Variants in CAMK2G observed in about 807,000 individuals in gnomAD.
CAMK2G encodes calcium/calmodulin-dependent protein kinase type II subunit gamma.
In CAMK2G, 23 loss-of-function variants were observed where a neutral mutation model predicts 88.7. That is an observed-to-expected ratio of 0.26 (90% CI 0.19 to 0.37). CAMK2G has a LOEUF of 0.37. Among genes scored for constraint, CAMK2G ranks in the 10% least tolerant of loss-of-function variants. The pLI is 1.00. For missense variants in CAMK2G, 476 were observed against 780.8 expected, an observed-to-expected ratio of 0.61 and a Z score of 4.65; for synonymous variants, 263 against 294.8, an observed-to-expected ratio of 0.89 and a Z score of 1.11.
Position 73,813,895 on chromosome 10 carries a change from GCCA to G in CAMK2G, c.*620_*622del, listed in dbSNP as rs1309752828. 6.5e-6 allele frequency: 1 copy of G among 152,678 alleles called. No individual in the cohort carries two copies. The highest frequency in any genetic ancestry group is 6.5e-5 in the Admixed American group (1 of 15,276). 9.5% of individuals were successfully genotyped at this position (152,678 alleles called of 1,614,324 possible). On this transcript the variant is annotated 3_prime_UTR_variant, in exon 23 of 23. Coordinates refer to ENST00000423381, the MANE Select transcript of CAMK2G (RefSeq NM_001367534.1). Reference sequence around the variant, plus strand: ...CAACGTCCGGGCTCTCAGTCCTGAGGCCACCACTTCTCAGCTGCCTCCACAGCA... The same window carrying G: ...CAACGTCCGGGCTCTCAGTCCTGAGGCCACTTCTCAGCTGCCTCCACAGCA...
In CAMK2G at chr10:73,826,983, A is replaced by G. The variant is rs58770249; in HGVS notation, c.1086+1106T>C. Among the ~76,000 whole-genome samples, 32 of 152,286 alleles carry G rather than the reference A, an allele frequency of 2.1e-4. No individual in the cohort carries two copies. In the East Asian group the frequency reaches 6.2e-3, roughly 29 times the overall value. On this transcript the variant is annotated intron_variant, in intron 15 of 22. Transcript: ENST00000423381. ...GTAGTGAGACGGTGGGTCTAAACTC[A>G]CGGGAGCTCTGCTGTCTCTCATTCC...
chr10:73,842,491 A>G lies in CAMK2G; in HGVS notation c.870T>C (p.Cys290=), dbSNP rs2093878356. Residue 290 remains cysteine (C), a synonymous_variant, in exon 11 of 23, where the codon TGT becomes TGC. Transcript: ENST00000423381. The surrounding 1 kb of genome is among the most constrained non-coding windows in gnomAD (Gnocchi z 4.6). The part of the protein sequence containing the change: ...SMMHRQETVE[C]LRKFNARRKL... Reference sequence around the variant, plus strand: ...TTCTCCGGGCATTGAACTTGCGCAAACACTCCACAGTCTCCTGACGATGCA... The same window carrying G: ...TTCTCCGGGCATTGAACTTGCGCAAGCACTCCACAGTCTCCTGACGATGCA... The G allele has an allele frequency of 6.2e-7, 1 of 1,613,968 alleles. No homozygotes were observed. Among genetic ancestry groups the G allele is most frequent in the Non-Finnish European group, 8.5e-7 (1 of 1,179,856 alleles).
At chr10:73,820,488 ATATATTTTTT>A (rs1183340070) in intron 18 of CAMK2G, among the ~76,000 whole-genome samples, 2,344 of 46,522 alleles carry the variant, frequency 0.05, 43 homozygotes, top group South Asian at 0.18. Context: ...ATATATATAT[ATATATTTTTT>A]TTTTTTTTTT....
intron 1 of CAMK2G, among the ~76,000 whole-genome samples, chr10:73,873,721 G>T (rs1267497036): frequency 1.1e-4 from 15 of 138,902 alleles, no homozygotes; most frequent in Non-Finnish European, 1.9e-4. Context: ...CTCTGGAAAC[G>T]TCTGGGGGGG....
intron 16 of CAMK2G, among the ~76,000 whole-genome samples, 168 bp from the exon 17 acceptor site, chr10:73,824,252 G>A (rs775712156): frequency 6.6e-6 from 1 of 152,148 alleles, no homozygotes; most frequent in Non-Finnish European, 1.5e-5. Flanking sequence ...CTGGGGTCCC[G>A]GGCAGCTGGG....
chr10:73,847,163 T>C, intron 10 of CAMK2G, 62 bp downstream of exon 10: 1 of 1,568,304 alleles, frequency 6.4e-7, no homozygotes, highest in South Asian at 1.1e-5. Context: ...GAGGGGGTGG[T>C]GCCGAGGGCA....
intron 14 of CAMK2G, among the ~76,000 whole-genome samples, chr10:73,831,056 G>C (rs962304884): frequency 6.6e-6 from 1 of 152,158 alleles, no homozygotes; most frequent in Non-Finnish European, 1.5e-5. Flanking sequence ...GCCTGGAAAG[G>C]TCGAACTCTG....
At chr10:73,818,559 C>G in intron 19 of CAMK2G, 1 of 393,648 alleles carries the variant, frequency 2.5e-6, no homozygotes, top group Admixed American at 2.9e-5. Flanking sequence ...AGCACCACCA[C>G]GGCCCAGCCG....
chr10:73,857,670 G>A (rs913561183), intron 3 of CAMK2G, among the ~76,000 whole-genome samples: 1 of 152,182 alleles, frequency 6.6e-6, no homozygotes, highest in African/African-American at 2.4e-5. Context: ...TCAGCACGAA[G>A]GAAGACAGAG....
chr10:73,854,141 C>T lies in CAMK2G; in HGVS notation c.221-895G>A, dbSNP rs182632446. Among the ~76,000 whole-genome samples, 5 of 152,258 alleles carry T rather than the reference C, an allele frequency of 3.3e-5. No individual in the cohort carries two copies. In the East Asian group the frequency reaches 9.7e-4, roughly 29 times the overall value. ...GCTTCCCTTAAGAAATGTGGGGCAG[C>T]CCCCATATTCAGGCAACAAAGCCCT... On this transcript the variant is annotated intron_variant, in intron 3 of 22. Transcript: ENST00000423381.
intron 14 of CAMK2G, among the ~76,000 whole-genome samples, chr10:73,829,266 T>TTTTATTTATTTATTTA (rs55861420): frequency 1.7e-4 from 24 of 140,982 alleles, no homozygotes; most frequent in East Asian, 6.3e-4. Flanking sequence ...TACATTGGCC[T>TTTTATTTATTTATTTA]TTTATTTATT....
At chr10:73,831,451 T>C (rs1405704333) in intron 14 of CAMK2G, among the ~76,000 whole-genome samples, 1 of 147,592 alleles carries the variant, frequency 6.8e-6, no homozygotes, top group Non-Finnish European at 1.5e-5. Flanking sequence ...GGTTGGAGAA[T>C]TGTTTGAACC....
chr10:73,846,592 G>C (rs757954954), intron 10 of CAMK2G: 5 of 152,224 alleles, frequency 3.3e-5, no homozygotes, highest in Non-Finnish European at 5.9e-5. Context: ...CAGCACCAAA[G>C]AGGTATTTAA....
At chr10:73,821,661 C>A (rs747553597) in intron 18 of CAMK2G, 21 bp downstream of exon 18, 1 of 1,600,122 alleles carries the variant, frequency 6.2e-7, no homozygotes, top group East Asian at 2.2e-5. Context: ...AGTCCTTCCC[C>A]CTCCAAGGGC....
chr10:73,820,492 A>ATATATT (rs1554995765), intron 18 of CAMK2G, among the ~76,000 whole-genome samples: 39 of 51,058 alleles, frequency 7.6e-4, no homozygotes, highest in East Asian at 1.1e-3. Context: ...ATATATATAT[A>ATATATT]TTTTTTTTTT....
Position 73,817,117 on chromosome 10 carries a change from C to T in CAMK2G, c.1440G>A (p.Thr480=). 1.3e-6 allele frequency: 2 copies of T among 1,594,818 alleles called. No homozygotes were observed. Among genetic ancestry groups the T allele is most frequent in the South Asian group, 1.1e-5 (1 of 87,482 alleles). ...AINNGDFEAY[T]KICDPGLTSF... ...AAGTGAGGCCTGGATCACAAATCTTCCTACAGGGAGAAAAAAAAAAGCAGC... is the reference window on the plus strand; with the variant it reads ...AAGTGAGGCCTGGATCACAAATCTTTCTACAGGGAGAAAAAAAAAAGCAGC... Residue 480 remains threonine, a splice_region_variant and synonymous_variant, in exon 21 of 23, where the codon ACG becomes ACA. Coordinates refer to ENST00000423381, the MANE Select transcript of CAMK2G (RefSeq NM_001367534.1).
At chr10:73,868,088 C>T (rs910350296) in intron 2 of CAMK2G, among the ~76,000 whole-genome samples, 3 of 152,078 alleles carry the variant, frequency 2.0e-5, no homozygotes, top group Non-Finnish European at 4.4e-5. Context: ...GGGATCAGGC[C>T]CTTGTTGGTC....
Position 73,813,874 on chromosome 10 carries a change from G to A in CAMK2G, c.*644C>T, listed in dbSNP as rs1295707296. ...ACACTAAACAAGACAGTACAGCAAC[G>A]TCCGGGCTCTCAGTCCTGAGGCCAC... On this transcript the variant is annotated 3_prime_UTR_variant, in exon 23 of 23. Coordinates refer to ENST00000423381, the MANE Select transcript of CAMK2G (RefSeq NM_001367534.1). 3.9e-5 allele frequency: 6 copies of A among 152,508 alleles called. No individual in the cohort carries two copies. The highest frequency in any genetic ancestry group is 1.5e-4 in the African/African-American group (6 of 41,372). 9.4% of individuals were successfully genotyped at this position (152,508 alleles called of 1,614,324 possible). A position where few individuals can be genotyped will look rare whatever the true frequency, so the allele number is the denominator to read the frequency against.
rs747935068 is a variant in CAMK2G at position 73,873,135 on chromosome 10, C to G, written c.66-52G>C. ...GGACACGGAGCAGGGCAGAGTGACA[C>G]AGACACACTTCAAGTCTGGGGACGA... On this transcript the variant is annotated intron_variant, in intron 1 of 22. Coordinates refer to ENST00000423381, the MANE Select transcript of CAMK2G (RefSeq NM_001367534.1). 2.4e-6 allele frequency: 3 copies of G among 1,275,796 alleles called. No individual in the cohort carries two copies. In the East Asian group the frequency reaches 6.9e-5, roughly 29 times the overall value. 79.0% of individuals were successfully genotyped at this position (1,275,796 alleles called of 1,614,324 possible).
Sources: allele counts gnomAD v4.1 joint callset (sites outside exome capture counted in the v4.1 genomes callset), GRCh38; gene constraint gnomAD v4.1.1; non-coding constraint Gnocchi (gnomAD v3.1); transcripts MANE v1.5; gene names NCBI Gene and HGNC (gene_info 2026-07-23, HGNC 2026-07-21).